The following TENM3 variants were observed in gnomAD, a reference collection of about 807,000 sequenced individuals.
TENM3 encodes the protein teneurin-3.
TENM3 carries 63 observed loss-of-function variants against 255.1 expected under a neutral mutation model. The observed-to-expected ratio is 0.25, with a 90% CI of 0.20 to 0.30. TENM3 has a LOEUF of 0.30. Ranked by LOEUF, TENM3 falls within the 10% of genes least tolerant of loss-of-function variation. The pLI is 1.00. For synonymous variants in TENM3, 1,306 were observed against 1,322.3 expected (o/e 0.99, Z 0.27); for missense variants, 2,929 against 3,461.1 (o/e 0.85, Z 3.86).
the TENM3 span, among the ~76,000 whole-genome samples, chr4:181,786,072 C>A: frequency 1.3e-5 from 2 of 152,122 alleles, no homozygotes; most frequent in African/African-American, 4.8e-5. Flanking sequence ...GCAAGCCAAA[C>A]CATCAGAAGC....
chr4:182,673,108 A>G lies in TENM3; in HGVS notation c.1215A>G (p.Arg405=), dbSNP rs964616705. ...IQEIPPGIFW[R]SQLFIDQPQF... is the part of the protein sequence containing the mutation. ...AGATTCCTCCCGGGATCTTCTGGAG[A>G]TCACAGCTCTTCATTGATCAGCCAC... Residue 405 remains arginine, a synonymous_variant, in exon 7 of 28, where the codon AGA becomes AGG. Coordinates refer to ENST00000511685, the MANE Select transcript of TENM3 (RefSeq NM_001080477.4). 1.6e-5 allele frequency: 26 copies of G among 1,613,336 alleles called. No individual in the cohort carries two copies. The highest frequency in any genetic ancestry group is 2.2e-5 in the Non-Finnish European group (26 of 1,179,458).
the TENM3 span, among the ~76,000 whole-genome samples, chr4:181,477,225 A>G: frequency 6.6e-6 from 1 of 152,170 alleles, no homozygotes; most frequent in Non-Finnish European, 1.5e-5. Flanking sequence ...CCTATGATCT[A>G]GTGATTTCAA....
chr4:182,009,802 A>T, the TENM3 span, among the ~76,000 whole-genome samples: 1 of 152,184 alleles, frequency 6.6e-6, no homozygotes, highest in Non-Finnish European at 1.5e-5. Context: ...AAATCTGCAC[A>T]TTCTGGGGTT....
At chr4:182,700,986 T>A (rs1757810011) in intron 12 of TENM3, among the ~76,000 whole-genome samples, 2 of 151,976 alleles carry the variant, frequency 1.3e-5, no homozygotes, top group Admixed American at 1.3e-4. Flanking sequence ...CGCCTGCAGC[T>A]CCACCACTTA....
At chr4:181,957,158 C>G in the TENM3 span, among the ~76,000 whole-genome samples, 1 of 152,228 alleles carries the variant, frequency 6.6e-6, no homozygotes, top group South Asian at 2.1e-4. Flanking sequence ...AGCGTTTGCT[C>G]TAATGTAAAT....
chr4:181,473,075 AT>A, the TENM3 span, among the ~76,000 whole-genome samples: 1 of 152,280 alleles, frequency 6.6e-6, no homozygotes, highest in South Asian at 2.1e-4. Flanking sequence ...TTTAATAAAG[AT>A]TTTAATTAAA....
At chr4:182,568,800 A>T (rs1744054674) in intron 3 of TENM3, among the ~76,000 whole-genome samples, 1 of 152,252 alleles carries the variant, frequency 6.6e-6, no homozygotes, top group African/African-American at 2.4e-5. Context: ...AAACAATAAA[A>T]AAGAACAAAG....
chr4:182,500,968 G>A (rs1216311188), intron 3 of TENM3, among the ~76,000 whole-genome samples: 6 of 151,992 alleles, frequency 3.9e-5, no homozygotes, highest in East Asian at 1.9e-4. Context: ...ATATTTCTGG[G>A]TGGAGAGAGT....
intron 3 of TENM3, among the ~76,000 whole-genome samples, chr4:182,504,853 T>C (rs1040548779): frequency 1.3e-5 from 2 of 152,196 alleles, no homozygotes; most frequent in African/African-American, 4.8e-5. Flanking sequence ...TGTTCTGCAT[T>C]GTTTACTGCC....
the TENM3 span, among the ~76,000 whole-genome samples, chr4:182,117,308 C>T: frequency 1.3e-5 from 2 of 152,114 alleles, no homozygotes; most frequent in African/African-American, 4.8e-5. Flanking sequence ...CTTATCAATT[C>T]TTTCTTGATC....
At chr4:182,673,310 C>A in intron 7 of TENM3, 91 bp downstream of exon 7, 1 of 867,828 alleles carries the variant, frequency 1.2e-6, no homozygotes, top group Non-Finnish European at 1.7e-6. Context: ...GTTTGGTTAA[C>A]TGTTTGACGA....
chr4:181,567,567 AAG>A, the TENM3 span, among the ~76,000 whole-genome samples: 1 of 152,232 alleles, frequency 6.6e-6, no homozygotes, highest in East Asian at 1.9e-4. Context: ...GATTTTAAAA[AAG>A]AAAATTCTGA....
chr4:182,192,834 A>T (rs1399341959), intron 1 of TENM3, among the ~76,000 whole-genome samples: 5 of 152,214 alleles, frequency 3.3e-5, no homozygotes, highest in Non-Finnish European at 5.9e-5. Flanking sequence ...TTGGTAAAAA[A>T]TAAGTAAATA....
intron 3 of TENM3, among the ~76,000 whole-genome samples, chr4:182,414,522 C>T (rs6849034): frequency 0.099 from 15,032 of 152,034 alleles, 953 homozygotes; most frequent in East Asian, 0.22. Context: ...TGTGTGTGCA[C>T]GAGGAAACCG....
intron 3 of TENM3, among the ~76,000 whole-genome samples, chr4:182,583,371 G>C (rs1252119940): frequency 1.3e-5 from 2 of 150,424 alleles, no homozygotes; most frequent in Non-Finnish European, 3.0e-5. Flanking sequence ...GTGTGTGTGT[G>C]TGTGTGTATT....
At chr4:182,091,108 T>C in the TENM3 span, among the ~76,000 whole-genome samples, 1 of 151,966 alleles carries the variant, frequency 6.6e-6, no homozygotes, top group African/African-American at 2.4e-5. Context: ...GTTGACCGAG[T>C]TTCAGAATGG....
At chr4:181,849,647 A>G in the TENM3 span, among the ~76,000 whole-genome samples, 26 of 152,186 alleles carry the variant, frequency 1.7e-4, no homozygotes, top group East Asian at 7.7e-4. Flanking sequence ...CTAATGGAAG[A>G]TGGTGTCATC....
the TENM3 span, among the ~76,000 whole-genome samples, chr4:182,071,213 G>A: frequency 6.6e-6 from 1 of 152,170 alleles, no homozygotes; most frequent in African/African-American, 2.4e-5. Flanking sequence ...TTGAGCCAGT[G>A]CCTGACACAT....
At chr4:181,648,341 G>A in the TENM3 span, among the ~76,000 whole-genome samples, 1 of 152,094 alleles carries the variant, frequency 6.6e-6, no homozygotes, top group Non-Finnish European at 1.5e-5. Flanking sequence ...CCTAAAAAGG[G>A]TTTCCCCTTT....
Sources: gnomAD v4.1 joint callset for allele counts (sites outside exome capture counted in the v4.1 genomes callset) on GRCh38, gnomAD v4.1.1 for gene constraint, MANE v1.5 for transcripts, NCBI Gene and HGNC (gene_info 2026-07-23, HGNC 2026-07-21) for gene names.